The following B3GALT1 variants were observed in gnomAD, a reference collection of about 807,000 sequenced individuals.
B3GALT1 encodes the protein UDP-Gal:betaGlcNAc beta 1,3-galactosyltransferase, polypeptide 1.
B3GALT1 carries 10 observed loss-of-function variants against 23.2 expected under a neutral mutation model. The observed-to-expected ratio is 0.43, with a 90% CI of 0.27 to 0.73. The LOEUF (loss-of-function observed/expected upper bound fraction) is 0.73. Among genes scored for constraint, B3GALT1 ranks in the 30% least tolerant of loss-of-function variants. B3GALT1 has a pLI of 0.21. For missense variants in B3GALT1, 299 were observed against 405.4 expected, an observed-to-expected ratio of 0.74 and a Z score of 2.25; for synonymous variants, 156 against 141.5, an observed-to-expected ratio of 1.10 and a Z score of -0.73.
At chr2:167,649,327 A>G (rs541302122) in intron 3 of B3GALT1, among the ~76,000 whole-genome samples, 1 of 152,260 alleles carries the variant, frequency 6.6e-6, no homozygotes, top group East Asian at 1.9e-4. Context: ...ACATAAAATT[A>G]ACCATTTTAA....
intron 1 of B3GALT1, among the ~76,000 whole-genome samples, chr2:167,303,640 C>CAT (rs1559060350): frequency 1.1e-3 from 74 of 69,220 alleles, no homozygotes; most frequent in Middle Eastern, 8.1e-3. Context: ...TGGAAACACA[C>CAT]ACATACACAC....
At chr2:167,448,979 A>G (rs988064506) in intron 1 of B3GALT1, among the ~76,000 whole-genome samples, 1 of 152,088 alleles carries the variant, frequency 6.6e-6, no homozygotes, top group Non-Finnish European at 1.5e-5. Flanking sequence ...TACCAGTACC[A>G]TGCTCTTTTG....
At chr2:167,562,631 A>G (rs192241108) in intron 2 of B3GALT1, among the ~76,000 whole-genome samples, 2,442 of 150,492 alleles carry the variant, frequency 0.016, 19 homozygotes, top group Non-Finnish European at 0.025. Flanking sequence ...AAATCAATGT[A>G]CAAAAATCAC....
intron 2 of B3GALT1, among the ~76,000 whole-genome samples, chr2:167,535,795 TA>T (rs1683407618): frequency 6.6e-6 from 1 of 152,158 alleles, no homozygotes; most frequent in African/African-American, 2.4e-5. Context: ...AATACAATAA[TA>T]AGAGCCATTA....
intron 1 of B3GALT1, among the ~76,000 whole-genome samples, chr2:167,397,052 C>T (rs546789937): frequency 1.3e-5 from 2 of 152,178 alleles, no homozygotes; most frequent in South Asian, 4.1e-4. Context: ...GTCTTCAAAT[C>T]CAACTTCTCG....
chr2:167,518,816 A>AAG (rs1700141027), intron 2 of B3GALT1, among the ~76,000 whole-genome samples: 1 of 152,176 alleles, frequency 6.6e-6, no homozygotes, highest in African/African-American at 2.4e-5. Context: ...TACCCCAGGA[A>AAG]TGTATCTTTT....
At chr2:167,786,269 T>TA in intron 3 of B3GALT1, among the ~76,000 whole-genome samples, 1 of 152,234 alleles carries the variant, frequency 6.6e-6, no homozygotes, top group Admixed American at 6.5e-5. Context: ...CCTCGCCTGT[T>TA]ACACAGGAAT....
intron 1 of B3GALT1, among the ~76,000 whole-genome samples, chr2:167,370,018 T>C (rs975348839): frequency 1.3e-5 from 2 of 152,198 alleles, no homozygotes; most frequent in African/African-American, 4.8e-5. Flanking sequence ...GTATATTTGT[T>C]TGTTTGTTTG....
chr2:167,650,910 A>C (rs140410549), intron 3 of B3GALT1, among the ~76,000 whole-genome samples: 3 of 152,292 alleles, frequency 2.0e-5, no homozygotes, highest in South Asian at 4.2e-4. Context: ...TTCTTCACCG[A>C]AACAAACCAA....
intron 3 of B3GALT1, among the ~76,000 whole-genome samples, chr2:167,792,408 G>A (rs902095473): frequency 6.6e-6 from 1 of 152,108 alleles, no homozygotes; most frequent in Non-Finnish European, 1.5e-5. Context: ...CAAATACCAA[G>A]GATATTTTGA....
chr2:167,872,562 G>A lies in B3GALT1; in HGVS notation c.*2542G>A, dbSNP rs1382067817. On this transcript the variant is annotated 3_prime_UTR_variant, in exon 5 of 5. Transcript: ENST00000392690. ...CCTTCGAGTTGTGCAGCTGAATCAA[G>A]CCTCTGTCTCATACTATTGCCTTGC... 1 of 152,184 alleles carries A rather than the reference G, an allele frequency of 6.6e-6. No homozygotes were observed. Among genetic ancestry groups the A allele is most frequent in the African/African-American group, 2.4e-5 (1 of 41,448 alleles). The allele number at this position is 152,184 out of a possible 1,614,324, so 9.4% of individuals were successfully genotyped here.
chr2:167,706,962 A>G (rs752531333), intron 3 of B3GALT1, among the ~76,000 whole-genome samples: 5 of 152,234 alleles, frequency 3.3e-5, no homozygotes, highest in Non-Finnish European at 7.3e-5. Context: ...ATTTTGGCCT[A>G]AATCCTCTCC....
intron 3 of B3GALT1, among the ~76,000 whole-genome samples, chr2:167,751,837 A>G (rs1282320420): frequency 1.3e-5 from 2 of 152,192 alleles, no homozygotes; most frequent in African/African-American, 4.8e-5. Context: ...CGATGAGTAG[A>G]TGTCAGCAGA....
At chr2:167,855,517 A>G (rs577045007) in intron 4 of B3GALT1, among the ~76,000 whole-genome samples, 2 of 152,334 alleles carry the variant, frequency 1.3e-5, no homozygotes, top group African/African-American at 4.8e-5. Context: ...GGTATTGATT[A>G]AATAGAAGTT....
intron 3 of B3GALT1, among the ~76,000 whole-genome samples, chr2:167,784,711 T>C (rs1247901274): frequency 6.6e-6 from 1 of 152,178 alleles, no homozygotes; most frequent in Non-Finnish European, 1.5e-5. Context: ...CTGGACTACG[T>C]AAATACTTAG....
Position 167,813,425 on chromosome 2 carries a change from C to T in B3GALT1, c.-351-5247C>T, listed in dbSNP as rs369124415. On this transcript the variant is annotated intron_variant, in intron 3 of 4. Coordinates refer to ENST00000392690, the MANE Select transcript of B3GALT1 (RefSeq NM_020981.4). The stretch of plus-strand genomic sequence containing the variant: ...AGTCAACACTGAGTCACTTTTTAAT[C>T]GCTAAATTTCAGAATCATCCATGCT... 2.1e-3 allele frequency among the ~76,000 whole-genome samples: 319 copies of T among 152,254 alleles called. 1 individual carries two copies. Among genetic ancestry groups the T allele is most frequent in the African/African-American group, 7.0e-3 (290 of 41,562 alleles).
At chr2:167,556,484 G>T (rs553083693) in intron 2 of B3GALT1, among the ~76,000 whole-genome samples, 1 of 152,226 alleles carries the variant, frequency 6.6e-6, no homozygotes, top group African/African-American at 2.4e-5. Context: ...ACACCATGGG[G>T]AGATTAAGTA....
chr2:167,636,315 AC>A (rs1230623027), intron 2 of B3GALT1, among the ~76,000 whole-genome samples: 1 of 151,674 alleles, frequency 6.6e-6, no homozygotes, highest in Non-Finnish European at 1.5e-5. Flanking sequence ...AATTCAAAAG[AC>A]CCTCTCTTCA....
At chr2:167,306,281 A>G (rs1458271800) in intron 1 of B3GALT1, among the ~76,000 whole-genome samples, 1 of 152,026 alleles carries the variant, frequency 6.6e-6, no homozygotes, top group Non-Finnish European at 1.5e-5. Context: ...AATGATTATA[A>G]TAAAATATAA....
Sources: allele counts gnomAD v4.1 joint callset (sites outside exome capture counted in the v4.1 genomes callset), GRCh38; gene constraint gnomAD v4.1.1; transcripts MANE v1.5; gene names NCBI Gene and HGNC (gene_info 2026-07-23, HGNC 2026-07-21).